The following FRK variants were observed in gnomAD, a reference collection of about 807,000 sequenced individuals.
FRK encodes the protein fyn related Src family tyrosine kinase.
In FRK, 51 loss-of-function variants were observed where a neutral mutation model predicts 56.4. The observed-to-expected ratio is 0.90, with a 90% CI of 0.72 to 1.14. The LOEUF (loss-of-function observed/expected upper bound fraction) is 1.14, where lower values mean the gene tolerates loss of function less well. FRK is among the 50% of genes most tolerant of loss of function. FRK has a pLI of 0.00. For missense variants in FRK, 570 were observed against 601.4 expected, an observed-to-expected ratio of 0.95 and a Z score of 0.55; for synonymous variants, 245 against 217.9, an observed-to-expected ratio of 1.12 and a Z score of -1.10.
At chr6:116,078,516 G>C in the FRK span, among the ~76,000 whole-genome samples, 1 of 152,064 alleles carries the variant, frequency 6.6e-6, no homozygotes, top group African/African-American at 2.4e-5. Context: ...TGGGGTCAGG[G>C]GTAGTGTTAG....
At chr6:115,996,128 A>C (rs186559967) in intron 2 of FRK, among the ~76,000 whole-genome samples, 14 of 152,310 alleles carry the variant, frequency 9.2e-5, no homozygotes, top group Admixed American at 8.5e-4. Context: ...TTGCATAATA[A>C]ATTCAAGGAG....
At chr6:115,953,431 C>T (rs552979408) in intron 5 of FRK, among the ~76,000 whole-genome samples, 16 of 151,940 alleles carry the variant, frequency 1.1e-4, no homozygotes, top group South Asian at 2.1e-4. Context: ...CCTCGTGATC[C>T]GCCCGCCTCG....
intron 4 of FRK, among the ~76,000 whole-genome samples, chr6:115,960,223 C>A (rs961930832): frequency 6.6e-6 from 1 of 151,084 alleles, no homozygotes; most frequent in African/African-American, 2.4e-5. Context: ...CGAGGCATTG[C>A]CTCACCTGGG....
At chr6:116,098,604 A>C in the FRK span, among the ~76,000 whole-genome samples, 1 of 152,206 alleles carries the variant, frequency 6.6e-6, no homozygotes, top group Non-Finnish European at 1.5e-5. Flanking sequence ...TCTTCAACAC[A>C]TGAATGAGTG....
intron 2 of FRK, among the ~76,000 whole-genome samples, chr6:116,002,948 T>A (rs953914495): frequency 6.6e-6 from 1 of 152,198 alleles, no homozygotes; most frequent in Non-Finnish European, 1.5e-5. Flanking sequence ...ATATGTGGAA[T>A]TATGGCCTGC....
At chr6:116,031,582 C>G (rs376060022) in intron 1 of FRK, among the ~76,000 whole-genome samples, 2 of 152,200 alleles carry the variant, frequency 1.3e-5, no homozygotes, top group South Asian at 4.2e-4. Flanking sequence ...CCAAACTCCA[C>G]ATCACCCCAA....
At chr6:116,096,723 A>T in the FRK span, among the ~76,000 whole-genome samples, 1 of 152,226 alleles carries the variant, frequency 6.6e-6, no homozygotes, top group Non-Finnish European at 1.5e-5. Context: ...GTGTGCAGGG[A>T]CAAATAAGGG....
chr6:115,947,473 C>T (rs958098568), intron 5 of FRK, among the ~76,000 whole-genome samples: 1 of 152,018 alleles, frequency 6.6e-6, no homozygotes, highest in Non-Finnish European at 1.5e-5. Context: ...CAGAAGATTA[C>T]ATTTTCCATC....
chr6:115,974,776 C>T (rs1371240734), intron 2 of FRK, among the ~76,000 whole-genome samples: 1 of 152,110 alleles, frequency 6.6e-6, no homozygotes, highest in Non-Finnish European at 1.5e-5. Context: ...CATTTGAATG[C>T]TTTTCCTGTG....
intron 2 of FRK, among the ~76,000 whole-genome samples, chr6:115,975,835 A>G (rs1280382180): frequency 6.6e-6 from 1 of 152,176 alleles, no homozygotes; most frequent in African/African-American, 2.4e-5. Context: ...TCACCTGTCA[A>G]CTGATGAATC....
chr6:116,043,628 G>A (rs997730304), intron 1 of FRK, among the ~76,000 whole-genome samples: 6 of 152,146 alleles, frequency 3.9e-5, no homozygotes, highest in Admixed American at 3.9e-4. Flanking sequence ...GCCCACAGAA[G>A]GAAGCGGGAA....
chr6:115,986,380 C>T (rs1047864340), intron 2 of FRK, among the ~76,000 whole-genome samples: 9 of 152,030 alleles, frequency 5.9e-5, no homozygotes, highest in Admixed American at 5.9e-4. Flanking sequence ...AGAGCCCAGT[C>T]GAGCCATGAC....
At chr6:116,022,171 A>G (rs1775895566) in intron 1 of FRK, among the ~76,000 whole-genome samples, 2 of 152,124 alleles carry the variant, frequency 1.3e-5, no homozygotes, top group Non-Finnish European at 2.9e-5. Context: ...AATTACATTC[A>G]TAATTTAAAA....
chr6:116,028,706 T>C (rs1776190430), intron 1 of FRK, among the ~76,000 whole-genome samples: 1 of 151,926 alleles, frequency 6.6e-6, no homozygotes, highest in South Asian at 2.1e-4. Context: ...TATAAGTACA[T>C]ATTAGGGCTC....
intron 2 of FRK, among the ~76,000 whole-genome samples, chr6:115,982,401 A>G (rs1403938993): frequency 1.3e-5 from 2 of 152,172 alleles, no homozygotes; most frequent in Non-Finnish European, 2.9e-5. Context: ...GCCAATTCCC[A>G]TAATAAATTT....
At chr6:115,976,379 G>T (rs1773991215) in intron 2 of FRK, among the ~76,000 whole-genome samples, 1 of 152,038 alleles carries the variant, frequency 6.6e-6, no homozygotes, top group Non-Finnish European at 1.5e-5. Context: ...ATTTTTAAAA[G>T]ACAGAAATTC....
intron 2 of FRK, among the ~76,000 whole-genome samples, chr6:115,994,841 A>T (rs1303212152): frequency 2.6e-5 from 4 of 152,128 alleles, no homozygotes; most frequent in Non-Finnish European, 5.9e-5. Context: ...GAAGGTGGCC[A>T]TCTGCAAACC....
At chr6:115,982,968 A>G (rs1298167566) in intron 2 of FRK, among the ~76,000 whole-genome samples, 1 of 151,822 alleles carries the variant, frequency 6.6e-6, no homozygotes, top group African/African-American at 2.4e-5. Context: ...GCTACTAGGG[A>G]GGCTGAGGCA....
rs904600872 is a variant in FRK, at chr6:115,932,285, T to C, written c.*10129A>G. On this transcript the variant is annotated 3_prime_UTR_variant, in exon 8 of 8. Coordinates refer to ENST00000606080, the MANE Select transcript of FRK (RefSeq NM_002031.3). ...AATCTAAGAGTTTAGTGGGGGAATG[T>C]AGGCAGTAAGAGGATAACACTGAAA... 3.3e-5 allele frequency: 5 copies of C among 152,208 alleles called. No homozygotes were observed. Among genetic ancestry groups the C allele is most frequent in the Non-Finnish European group, 5.9e-5 (4 of 68,040 alleles). 9.4% of individuals were successfully genotyped at this position (152,208 alleles called of 1,614,324 possible).
Sources: gnomAD v4.1 joint callset for allele counts (sites outside exome capture counted in the v4.1 genomes callset) on GRCh38, gnomAD v4.1.1 for gene constraint, MANE v1.5 for transcripts, NCBI Gene and HGNC (gene_info 2026-07-23, HGNC 2026-07-21) for gene names.